Variants in REC114 observed in about 807,000 individuals in gnomAD.
REC114 encodes the protein REC114 meiotic recombination protein.
REC114 carries 27 observed loss-of-function variants against 31.3 expected under a neutral mutation model. The ratio of observed to expected loss-of-function variants is 0.86; its 90% CI spans 0.64 to 1.19. The LOEUF is 1.19. Among genes scored for constraint, REC114 ranks in the 50% most tolerant of loss-of-function variants. The probability of loss-of-function intolerance (pLI) is 0.00; values close to 1 mark genes in which losing one functional copy is unlikely to be tolerated. For missense variants in REC114, 344 were observed against 326.9 expected, an observed-to-expected ratio of 1.05 and a Z score of -0.40; for synonymous variants, 134 against 127.7, an observed-to-expected ratio of 1.05 and a Z score of -0.33.
chr15:73,519,787 A>C (rs1893910039), intron 2 of REC114, among the ~76,000 whole-genome samples: 2 of 152,228 alleles, frequency 1.3e-5, no homozygotes, highest in Admixed American at 1.3e-4. Flanking sequence ...ATGGAATATT[A>C]TTTATCCTTA....
At chr15:73,515,492 C>G (rs1001204176) in intron 2 of REC114, among the ~76,000 whole-genome samples, 4 of 152,028 alleles carry the variant, frequency 2.6e-5, no homozygotes, top group African/African-American at 9.7e-5. Flanking sequence ...TGAATTGTGT[C>G]TCTGCCCATA....
chr15:73,547,645 T>G (rs559547402), intron 3 of REC114, among the ~76,000 whole-genome samples: 1 of 152,294 alleles, frequency 6.6e-6, no homozygotes, highest in Admixed American at 6.5e-5. Flanking sequence ...GCAACCTAAG[T>G]GTTCATCAGC....
At chr15:73,446,151 A>G (rs1892762101) in intron 1 of REC114, among the ~76,000 whole-genome samples, 2 of 152,220 alleles carry the variant, frequency 1.3e-5, no homozygotes, top group Admixed American at 6.5e-5. Context: ...TGCTCTTATT[A>G]TCATTTTGTT....
At chr15:73,532,134 C>A (rs908845837) in intron 2 of REC114, among the ~76,000 whole-genome samples, 2 of 151,578 alleles carry the variant, frequency 1.3e-5, no homozygotes, top group African/African-American at 4.9e-5. Context: ...TCCCTCCCCC[C>A]TCGCCCCACC....
intron 2 of REC114, among the ~76,000 whole-genome samples, chr15:73,536,842 G>A (rs1047943191): frequency 6.6e-6 from 1 of 152,112 alleles, no homozygotes. Flanking sequence ...TACTGGTCCT[G>A]GCATGAAATA....
intron 1 of REC114, among the ~76,000 whole-genome samples, chr15:73,459,256 G>T (rs1892957387): frequency 1.3e-5 from 2 of 149,198 alleles, no homozygotes; most frequent in Admixed American, 1.3e-4. Flanking sequence ...TGGAGACAGA[G>T]TCTCACTCTG....
chr15:73,469,828 G>A (rs912905920), intron 1 of REC114, among the ~76,000 whole-genome samples: 1 of 151,880 alleles, frequency 6.6e-6, no homozygotes, highest in African/African-American at 2.4e-5. Flanking sequence ...GGGACTACAG[G>A]TGCCCGCCAC....
Position 73,551,051 on chromosome 15 carries a change from T to C in REC114, c.447T>C (p.Pro149=), listed in dbSNP as rs1566950081. 6.2e-7 allele frequency: 1 copy of C among 1,613,884 alleles called. No individual in the cohort carries two copies. Among genetic ancestry groups the C allele is most frequent in the East Asian group, 2.2e-5 (1 of 44,874 alleles). ...CACAATACATAACCGTGCAGGTGCC[T>C]GATGGAAACATCCAGGAGCTTCAGC... ...KLAQYITVQV[P]DGNIQELQLI... The change falls in exon 4 of 6, where the codon CCT becomes CCC. Residue 149 remains proline (P), a synonymous_variant. Coordinates refer to ENST00000331090, the MANE Select transcript of REC114 (RefSeq NM_001042367.2).
intron 2 of REC114, among the ~76,000 whole-genome samples, chr15:73,488,510 C>T (rs577332846): frequency 1.2e-3 from 188 of 152,294 alleles, no homozygotes; most frequent in African/African-American, 3.9e-3. Flanking sequence ...GTATTTTGCT[C>T]AGAGATTTCT....
At chr15:73,483,796 T>C (rs1461004816) in intron 2 of REC114, 2 of 152,344 alleles carry the variant, frequency 1.3e-5, no homozygotes, top group African/African-American at 4.8e-5. Context: ...TTCTGGATGG[T>C]GTATCTGCTG....
At chr15:73,534,898 C>G (rs1035150885) in intron 2 of REC114, among the ~76,000 whole-genome samples, 249 of 144,032 alleles carry the variant, frequency 1.7e-3, no homozygotes, top group African/African-American at 5.4e-3. Context: ...TAAATGTAAT[C>G]CAGCACATAA....
At chr15:73,544,726 A>C (rs1894285566) in intron 3 of REC114, among the ~76,000 whole-genome samples, 1 of 152,248 alleles carries the variant, frequency 6.6e-6, no homozygotes, top group Admixed American at 6.5e-5. Context: ...GTTTCAAAGC[A>C]AAGAATCAAA....
At chr15:73,477,767 C>T (rs1237572580) in intron 2 of REC114, among the ~76,000 whole-genome samples, 1 of 151,934 alleles carries the variant, frequency 6.6e-6, no homozygotes, top group African/African-American at 2.4e-5. Flanking sequence ...GCTTTCAGCT[C>T]TTATATTTAG....
At chr15:73,482,971 A>C (rs886204455) in intron 2 of REC114, among the ~76,000 whole-genome samples, 1 of 151,526 alleles carries the variant, frequency 6.6e-6, no homozygotes. Flanking sequence ...GCAATAGTGC[A>C]TGACAGTTCC....
At chr15:73,517,762 T>C (rs185848236) in intron 2 of REC114, among the ~76,000 whole-genome samples, 2 of 152,320 alleles carry the variant, frequency 1.3e-5, no homozygotes, top group East Asian at 3.9e-4. Flanking sequence ...TTCTGGTTCT[T>C]TGAAGGTCAG....
intron 4 of REC114, among the ~76,000 whole-genome samples, chr15:73,555,865 A>G (rs1021075001): frequency 2.0e-5 from 3 of 152,196 alleles, no homozygotes; most frequent in African/African-American, 7.2e-5. Context: ...CATTTCTTCA[A>G]TGAACATGTA....
chr15:73,462,729 C>CA (rs1893005583), intron 1 of REC114, among the ~76,000 whole-genome samples: 2 of 151,746 alleles, frequency 1.3e-5, no homozygotes, highest in African/African-American at 4.8e-5. Context: ...ACTAAAAATA[C>CA]AAAAAATTAG....
At chr15:73,458,458 A>G (rs1377112405) in intron 1 of REC114, among the ~76,000 whole-genome samples, 1 of 152,180 alleles carries the variant, frequency 6.6e-6, no homozygotes, top group Non-Finnish European at 1.5e-5. Context: ...TTATCCTTTC[A>G]TGTAGCATGC....
intron 3 of REC114, among the ~76,000 whole-genome samples, chr15:73,543,104 A>G (rs80271675): frequency 0.1 from 15,731 of 152,164 alleles, 1,017 homozygotes; most frequent in African/African-American, 0.18. Context: ...AGGCAGAAAT[A>G]AGCATATTCC....
Sources: gnomAD v4.1 joint callset for allele counts (sites outside exome capture counted in the v4.1 genomes callset) on GRCh38, gnomAD v4.1.1 for gene constraint, MANE v1.5 for transcripts, NCBI Gene and HGNC (gene_info 2026-07-23, HGNC 2026-07-21) for gene names.